KLHL25: variants seen among roughly 807,000 people sequenced by gnomAD.
KLHL25 encodes kelch-like protein 25.
In KLHL25, 41 loss-of-function variants were observed where a neutral mutation model predicts 30.0. The observed-to-expected ratio is 1.37, with a 90% CI of 1.07 to 1.78. The LOEUF is 1.78. Ranked by LOEUF, KLHL25 falls within the 40% of genes most tolerant of loss-of-function variation. The probability of loss-of-function intolerance (pLI) is 0.00; values close to 1 mark genes in which losing one functional copy is unlikely to be tolerated. For missense variants in KLHL25, 971 were observed against 824.5 expected, an observed-to-expected ratio of 1.18 and a Z score of -2.18; for synonymous variants, 399 against 355.3, an observed-to-expected ratio of 1.12 and a Z score of -1.38.
At chr15:85,790,092 T>TTTG (rs772509743) in intron 1 of KLHL25, among the ~76,000 whole-genome samples, 90 of 151,952 alleles carry the variant, frequency 5.9e-4, no homozygotes, top group Admixed American at 9.2e-4. Flanking sequence ...CCTGACTTCT[T>TTTG]TTGTTGTTGT....
intron 2 of KLHL25, among the ~76,000 whole-genome samples, chr15:85,767,805 C>G (rs901436586): frequency 2.0e-5 from 3 of 152,226 alleles, no homozygotes; most frequent in Non-Finnish European, 4.4e-5. Context: ...TGGTTACTGT[C>G]CCCATTTTGC....
chr15:85,775,881 A>G (rs1001985465), intron 1 of KLHL25, among the ~76,000 whole-genome samples: 2 of 151,384 alleles, frequency 1.3e-5, no homozygotes, highest in Non-Finnish European at 3.0e-5. Context: ...AAAAAAAAAA[A>G]AAAAAAAAGC....
chr15:85,769,823 T>C lies in KLHL25; in HGVS notation c.-10-3A>G. On this transcript the variant is annotated splice_region_variant and splice_polypyrimidine_tract_variant and intron_variant, in intron 1 of 2. Coordinates refer to ENST00000337975, the MANE Select transcript of KLHL25 (RefSeq NM_022480.4). ...CACTGACCGACATGGTGCGTCAGCT[T>C]GTGGGGGAACAAGCCCACAGGTTAG... is the stretch of plus-strand genomic sequence containing the variant. 1.3e-6 allele frequency: 2 copies of C among 1,596,694 alleles called. No individual in the cohort carries two copies. Among genetic ancestry groups the C allele is most frequent in the Non-Finnish European group, 1.7e-6 (2 of 1,173,288 alleles).
intron 1 of KLHL25, among the ~76,000 whole-genome samples, chr15:85,771,616 G>C (rs2089675279): frequency 6.6e-6 from 1 of 152,222 alleles, no homozygotes; most frequent in African/African-American, 2.4e-5. Flanking sequence ...CTTGCTGCTT[G>C]GACCCCCAAG....
intron 1 of KLHL25, among the ~76,000 whole-genome samples, chr15:85,792,082 G>T (rs2151814516): frequency 6.6e-6 from 1 of 152,306 alleles, no homozygotes; most frequent in South Asian, 2.1e-4. Flanking sequence ...GTCAGCTTTT[G>T]ACAGCTTTAG....
rs1232740084 is a variant in KLHL25, at chr15:85,769,490, G to C, written c.321C>G (p.Ser107=). The C allele has an allele frequency of 4.3e-6, 7 of 1,614,056 alleles. No individual in the cohort carries two copies. The highest frequency in any genetic ancestry group is 2.2e-5 in the East Asian group (1 of 44,888). ...VLELLLDFAY[S]SRIAINEENA... The stretch of plus-strand genomic sequence containing the variant: ...TCTCCTCGTTGATGGCGATGCGTGA[G>C]GAGTAGGCAAAGTCCAGCAGCAGCT... The change falls in exon 2 of 3, where the codon TCC becomes TCG. Residue 107 remains serine (S), a synonymous_variant. Coordinates refer to ENST00000337975, the MANE Select transcript of KLHL25 (RefSeq NM_022480.4).
chr15:85,768,295 C>G lies in KLHL25; in HGVS notation c.1516G>C (p.Ala506Pro), dbSNP rs745623168. ...TCACAGTCAAAGCGGTAGGCCGAGG[C>G]GGCTGTGAATTCCGTGTCACCTCCC... ...IMGGDTEFTA[A>P]SAYRFDCETN... The change falls in exon 2 of 3, where the codon GCC (alanine) becomes CCC (proline). Residue 506 changes from alanine (A) to proline (P), a missense_variant. Transcript: ENST00000337975. 2 of 1,614,020 alleles carry G rather than the reference C, an allele frequency of 1.2e-6. No homozygotes were observed. Among genetic ancestry groups the G allele is most frequent in the Non-Finnish European group, 1.7e-6 (2 of 1,180,030 alleles).
At chr15:85,765,652 A>C (rs2089617436) in intron 2 of KLHL25, among the ~76,000 whole-genome samples, 1 of 150,074 alleles carries the variant, frequency 6.7e-6, no homozygotes, top group African/African-American at 2.4e-5. Context: ...GAAGAAGAAG[A>C]AGAAAACAGA....
At chr15:85,772,919 T>G (rs776086798) in intron 1 of KLHL25, among the ~76,000 whole-genome samples, 2 of 152,262 alleles carry the variant, frequency 1.3e-5, no homozygotes, top group African/African-American at 4.8e-5. Flanking sequence ...GGGGCACCTC[T>G]GTGCCAAGGG....
chr15:85,787,655 C>T (rs16944491), intron 1 of KLHL25, among the ~76,000 whole-genome samples: 15,227 of 152,180 alleles, frequency 0.1, 831 homozygotes, highest in African/African-American at 0.12. Context: ...AAAGTCTCTC[C>T]TTAGGACACA....
intron 1 of KLHL25, among the ~76,000 whole-genome samples, chr15:85,782,107 G>A (rs1203838538): frequency 6.6e-6 from 1 of 151,824 alleles, no homozygotes; most frequent in African/African-American, 2.4e-5. Context: ...GCAAAGTACA[G>A]GGGCCGTGAG....
At chr15:85,777,700 G>A (rs1220677183) in intron 1 of KLHL25, among the ~76,000 whole-genome samples, 2 of 152,180 alleles carry the variant, frequency 1.3e-5, no homozygotes, top group South Asian at 2.1e-4. Flanking sequence ...TGAGAGGGAC[G>A]CCTTCTCCAC....
rs35666848 is a variant in KLHL25, at chr15:85,759,591, G to GC, written c.*1444dup. The GC allele has an allele frequency of 6.6e-6, 1 of 152,266 alleles. No homozygotes were observed. Among genetic ancestry groups the GC allele is most frequent in the Non-Finnish European group, 1.5e-5 (1 of 68,062 alleles). The allele number at this position is 152,266 out of a possible 1,614,324, so 9.4% of individuals were successfully genotyped here. A position where few individuals can be genotyped will look rare whatever the true frequency, so the allele number is the denominator to read the frequency against. On this transcript the variant is annotated 3_prime_UTR_variant, in exon 3 of 3. Coordinates refer to ENST00000337975, the MANE Select transcript of KLHL25 (RefSeq NM_022480.4). ...CTGCTGGGTCTACAGGGTCCAAGGAGCCCCATGCAGCCAGTGCCCCATGGC... is the reference window on the plus strand; with the variant it reads ...CTGCTGGGTCTACAGGGTCCAAGGAGCCCCCATGCAGCCAGTGCCCCATGGC...
chr15:85,768,495 A>C lies in KLHL25; in HGVS notation c.1316T>G (p.Val439Gly), dbSNP rs757567543. 1.2e-6 allele frequency: 2 copies of C among 1,613,524 alleles called. No individual in the cohort carries two copies. The highest frequency in any genetic ancestry group is 2.7e-5 in the African/African-American group (2 of 74,900). The change falls in exon 2 of 3, where the codon GTG becomes GGG. Residue 439 changes from valine to glycine, a missense_variant. Physicochemically the swap from Val to Gly is moderately radical, Grantham distance 109. Coordinates refer to ENST00000337975, the MANE Select transcript of KLHL25 (RefSeq NM_022480.4). ...PLRDGVSNAA[V>G]VSAKLKLFVF... Reference sequence around the variant, plus strand: ...AAAGAGCTTCAGCTTGGCACTCACCACTGCGGCATTGCTGACGCCATCCCG... The same window carrying C: ...AAAGAGCTTCAGCTTGGCACTCACCCCTGCGGCATTGCTGACGCCATCCCG...
chr15:85,776,975 G>A (rs2151810228), intron 1 of KLHL25, among the ~76,000 whole-genome samples: 1 of 152,260 alleles, frequency 6.6e-6, no homozygotes, highest in African/African-American at 2.4e-5. Flanking sequence ...CACTTGCAGT[G>A]AAGCCACAAG....
chr15:85,791,193 T>TC (rs1355144493), intron 1 of KLHL25, among the ~76,000 whole-genome samples: 10 of 9,130 alleles, frequency 1.1e-3, no homozygotes, highest in Admixed American at 9.8e-4. Context: ...AGACTCAGTC[T>TC]CAAAAAAAAA....
intron 1 of KLHL25, among the ~76,000 whole-genome samples, chr15:85,775,181 C>T (rs563850234): frequency 2.6e-5 from 4 of 152,078 alleles, no homozygotes; most frequent in South Asian, 4.1e-4. Context: ...CCGGCCAGGG[C>T]GATTATTTTA....
rs1419796622 is a variant in KLHL25, at chr15:85,768,061, A to G, written c.1750T>C (p.Trp584Arg). The change falls in exon 2 of 3, where the codon TGG (tryptophan) becomes CGG (arginine). Residue 584 changes from tryptophan (W) to arginine (R), a missense_variant. Coordinates refer to ENST00000337975, the MANE Select transcript of KLHL25 (RefSeq NM_022480.4). ...GCTCCTCACGCGGGCAGGTGCTTCC[A>G]GGTGCTGACAAAGGCCGTGGGGATA... ...SLIPTAFVST[W>R]KHLPA 1.2e-6 allele frequency: 2 copies of G among 1,612,134 alleles called. No individual in the cohort carries two copies. Among genetic ancestry groups the G allele is most frequent in the Admixed American group, 1.7e-5 (1 of 59,962 alleles).
chr15:85,784,540 A>T (rs997094592), intron 1 of KLHL25, among the ~76,000 whole-genome samples: 2 of 117,048 alleles, frequency 1.7e-5, no homozygotes, highest in Non-Finnish European at 4.0e-5. Flanking sequence ...CAAAAAAAAT[A>T]AAAAAATAAA....
Sources: allele counts gnomAD v4.1 joint callset (sites outside exome capture counted in the v4.1 genomes callset), GRCh38; gene constraint gnomAD v4.1.1; transcripts MANE v1.5; gene names NCBI Gene and HGNC (gene_info 2026-07-23, HGNC 2026-07-21).